The following TCF7L2 variants were observed in gnomAD, a reference collection of about 807,000 sequenced individuals.
The protein encoded by TCF7L2 is transcription factor 7-like 2.
In TCF7L2, 23 loss-of-function variants were observed where a neutral mutation model predicts 77.9. The ratio of observed to expected loss-of-function variants is 0.30; its 90% CI spans 0.21 to 0.42. The LOEUF is 0.42. TCF7L2 is among the 10% of genes least tolerant of loss of function. The probability of loss-of-function intolerance (pLI) is 1.00; values close to 1 mark genes in which losing one functional copy is unlikely to be tolerated. For synonymous variants in TCF7L2, 413 were observed against 340.2 expected (o/e 1.21, Z -2.36); for missense variants, 654 against 793.1 (o/e 0.82, Z 2.11).
chr10:113,165,404 G>T (rs1176153610), intron 13 of TCF7L2, 151 bp from the exon 15 acceptor site: 5 of 816,898 alleles, frequency 6.1e-6, no homozygotes, highest in Admixed American at 4.6e-5. Context: ...CACCCTGGGG[G>T]GGCGCCACTG....
At chr10:113,157,976 A>C (rs370913367) in intron 11 of TCF7L2, 45 bp from the exon 12 acceptor site, 2 of 1,554,732 alleles carry the variant, frequency 1.3e-6, no homozygotes, top group Non-Finnish European at 1.7e-6. Flanking sequence ...CTCTTCTCAC[A>C]TCTGTTTCTT....
At position 113,028,286 on chromosome 10, in the gene TCF7L2, CT is replaced by C. The variant is rs555162163; in HGVS notation, c.451-11737del. On this transcript the variant is annotated intron_variant, in intron 4 of 13. Coordinates refer to ENST00000627217, the MANE Select transcript of TCF7L2 (RefSeq NM_001146274.2). ...AAGATGATACTTGAGTGACAGGCTG[CT>C]TCTGGCTGAGGCAGCAAGACTTGCA... Among the ~76,000 whole-genome samples the C allele has an allele frequency of 2.0e-4, 30 of 152,258 alleles. No individual in the cohort carries two copies. In the South Asian group the frequency reaches 6.0e-3, roughly 31 times the overall value.
intron 6 of TCF7L2, among the ~76,000 whole-genome samples, chr10:113,142,163 C>A: frequency 6.6e-6 from 1 of 152,198 alleles, no homozygotes; most frequent in East Asian, 1.9e-4. Context: ...TGCCACCATA[C>A]CCGGCTAATT....
chr10:112,957,827 C>T (rs2034069583), intron 3 of TCF7L2, among the ~76,000 whole-genome samples: 1 of 152,064 alleles, frequency 6.6e-6, no homozygotes, highest in African/African-American at 2.4e-5. Flanking sequence ...GCCAGTTGTC[C>T]TGCTGATTTT....
At chr10:113,117,232 C>A (rs1049796468) in intron 5 of TCF7L2, among the ~76,000 whole-genome samples, 1 of 152,122 alleles carries the variant, frequency 6.6e-6, no homozygotes, top group African/African-American at 2.4e-5. Flanking sequence ...CTAAGTATAA[C>A]AAATTGTTTC....
intron 12 of TCF7L2, among the ~76,000 whole-genome samples, chr10:113,158,329 A>G (rs1030592350): frequency 1.4e-4 from 22 of 152,086 alleles, no homozygotes; most frequent in African/African-American, 5.1e-4. Flanking sequence ...AGAGCCTATA[A>G]CTGGAGAGCA....
intron 7 of TCF7L2, 49 bp from the exon 8 acceptor site, chr10:113,145,962 C>T (rs2136984567): frequency 3.3e-6 from 4 of 1,222,894 alleles, no homozygotes; most frequent in Non-Finnish European, 3.5e-6. Flanking sequence ...TTCTTGTCCC[C>T]ACCCCCACCC....
intron 4 of TCF7L2, among the ~76,000 whole-genome samples, chr10:112,969,564 G>C (rs765163319): frequency 1.3e-5 from 2 of 152,240 alleles, no homozygotes; most frequent in Admixed American, 1.3e-4. Flanking sequence ...TTCTGAGAGA[G>C]ACTTGAGTGC....
At chr10:112,957,842 T>G (rs925495395) in intron 3 of TCF7L2, among the ~76,000 whole-genome samples, 2 of 152,152 alleles carry the variant, frequency 1.3e-5, no homozygotes, top group African/African-American at 4.8e-5. Flanking sequence ...GATTTTAATT[T>G]ATGTTGAAAA....
chr10:113,155,025 A>C (rs1280155500), intron 11 of TCF7L2, among the ~76,000 whole-genome samples: 1 of 148,792 alleles, frequency 6.7e-6, no homozygotes, highest in Admixed American at 6.7e-5. Context: ...GGGAGTTTCC[A>C]TATATTACTT....
intron 12 of TCF7L2, 117 bp from the exon 14 acceptor site, chr10:113,159,802 TA>T: frequency 1.5e-6 from 1 of 688,642 alleles, no homozygotes; most frequent in Non-Finnish European, 2.6e-6. Flanking sequence ...TTTTTATTTT[TA>T]TTTTTTTCTT....
At chr10:113,089,280 TG>T in intron 5 of TCF7L2, 1 of 1,143,588 alleles carries the variant, frequency 8.7e-7, no homozygotes, top group Non-Finnish European at 1.2e-6. Flanking sequence ...CCCTCTATCA[TG>T]GAGCTTCTAT....
intron 3 of TCF7L2, among the ~76,000 whole-genome samples, chr10:112,952,541 A>G (rs2032072411): frequency 6.6e-6 from 1 of 152,028 alleles, no homozygotes; most frequent in Non-Finnish European, 1.5e-5. Context: ...TTTCTAGGGA[A>G]TTTTGGCGCC....
intron 5 of TCF7L2, among the ~76,000 whole-genome samples, chr10:113,074,456 G>A (rs12776809): frequency 0.027 from 4,146 of 152,190 alleles, 84 homozygotes; most frequent in Non-Finnish European, 0.038. Context: ...ATGTCAATTA[G>A]CAACATATTA....
At chr10:113,032,353 A>T (rs1017983981) in intron 4 of TCF7L2, among the ~76,000 whole-genome samples, 5 of 152,190 alleles carry the variant, frequency 3.3e-5, no homozygotes, top group African/African-American at 1.2e-4. Context: ...AGTGAATCCC[A>T]AGTTTTGTTA....
chr10:113,156,115 C>CTTTTT (rs35516476), intron 11 of TCF7L2, among the ~76,000 whole-genome samples: 1 of 120,742 alleles, frequency 8.3e-6, no homozygotes. Flanking sequence ...TTCTTTCTTT[C>CTTTTT]TTTTTTTTTT....
At position 112,950,254 on chromosome 10, in the gene TCF7L2, A is replaced by G. The variant is rs1345995478; in HGVS notation, c.-503A>G. 8 of 205,984 alleles carry G rather than the reference A, an allele frequency of 3.9e-5. No individual in the cohort carries two copies. The highest frequency in any genetic ancestry group is 6.9e-5 in the Non-Finnish European group (7 of 101,878). 12.8% of individuals were successfully genotyped at this position (205,984 alleles called of 1,614,324 possible). On this transcript the variant is annotated 5_prime_UTR_variant, in exon 1 of 14. Transcript: ENST00000627217. The stretch of plus-strand genomic sequence containing the variant: ...GTGTGTTCCTCTCGCCCTGTCAATA[A>G]TCTCCGCTCCCAGACTACTCCGTTC...
chr10:113,143,653 A>C (rs916935827), intron 6 of TCF7L2, among the ~76,000 whole-genome samples: 17 of 152,322 alleles, frequency 1.1e-4, no homozygotes, highest in Admixed American at 8.5e-4. Flanking sequence ...CACACCAGTC[A>C]CATGAGGCAC....
At chr10:113,040,828 TAGCTC>T (rs2052315951) in intron 5 of TCF7L2, among the ~76,000 whole-genome samples, 1 of 152,226 alleles carries the variant, frequency 6.6e-6, no homozygotes, top group Non-Finnish European at 1.5e-5. Context: ...CTTGAGAAGA[TAGCTC>T]AGCCTTATTT....
Sources: gnomAD v4.1 joint callset for allele counts (sites outside exome capture counted in the v4.1 genomes callset) on GRCh38, gnomAD v4.1.1 for gene constraint, MANE v1.5 for transcripts, NCBI Gene and HGNC (gene_info 2026-07-23, HGNC 2026-07-21) for gene names.